Variants in STAG1 observed in about 807,000 individuals in gnomAD.
The protein encoded by STAG1 is STAG1 cohesin complex component.
Under a neutral mutation model 170.9 loss-of-function variants are expected in STAG1, and 26 were observed. The ratio of observed to expected loss-of-function variants is 0.15; its 90% CI spans 0.11 to 0.21. The LOEUF is 0.21. Among genes scored for constraint, STAG1 ranks in the 10% least tolerant of loss-of-function variants. STAG1 has a pLI of 1.00. For missense variants in STAG1, 964 were observed against 1,509.5 expected (o/e 0.64, Z 5.99); for synonymous variants, 514 against 497.7 (o/e 1.03, Z -0.44).
intron 24 of STAG1, 141 bp from the exon 25 acceptor site, chr3:136,367,223 G>T: frequency 1.5e-6 from 1 of 668,666 alleles, no homozygotes; most frequent in South Asian, 2.4e-5. Context: ...GACAAAAACT[G>T]TTACATTAAT....
intron 6 of STAG1, among the ~76,000 whole-genome samples, chr3:136,526,371 A>C (rs531367018): frequency 3.3e-5 from 5 of 151,802 alleles, no homozygotes; most frequent in Admixed American, 2.6e-4. Context: ...GTCTCTTTCT[A>C]TCTTTGTTGG....
At chr3:136,402,375 A>T (rs2087353940) in intron 21 of STAG1, among the ~76,000 whole-genome samples, 1 of 150,772 alleles carries the variant, frequency 6.6e-6, no homozygotes, top group Non-Finnish European at 1.5e-5. Context: ...GTGCCACCAC[A>T]CCCGGCTAAT....
intron 5 of STAG1, among the ~76,000 whole-genome samples, chr3:136,563,209 A>AT (rs1936913892): frequency 6.6e-6 from 1 of 152,174 alleles, no homozygotes; most frequent in Non-Finnish European, 1.5e-5. Context: ...GACTGGGTAA[A>AT]TATTGTGCTC....
rs778171419 is a variant in STAG1 at position 136,430,806 on chromosome 3, G to GACAGAC, written c.1650+2749_1650+2750insGTCTGT. Among the ~76,000 whole-genome samples the GACAGAC allele has an allele frequency of 1.9e-3, 247 of 131,160 alleles. 2 individuals carry two copies. Among genetic ancestry groups the GACAGAC allele is most frequent in the African/African-American group, 6.2e-3 (217 of 34,828 alleles). 86.0% of individuals were successfully genotyped at this position (131,160 alleles called of 152,430 possible). ...TAAGAGAAGGAAACAGACATAGACA[G>GACAGAC]ACACACACACACACACACACACACA... is the stretch of plus-strand genomic sequence containing the variant. On this transcript the variant is annotated intron_variant, in intron 16 of 33. Transcript: ENST00000383202.
intron 9 of STAG1, among the ~76,000 whole-genome samples, chr3:136,491,109 ATTTC>A (rs1293145086): frequency 1.3e-5 from 2 of 151,850 alleles, no homozygotes; most frequent in South Asian, 2.1e-4. Flanking sequence ...TCTCTAATAC[ATTTC>A]TTTCTATGTA....
intron 6 of STAG1, among the ~76,000 whole-genome samples, chr3:136,524,077 G>A (rs981769177): frequency 3.3e-5 from 5 of 152,240 alleles, no homozygotes; most frequent in East Asian, 1.9e-4. Context: ...TGGCAATGCG[G>A]GCTCTTTTTT....
intron 19 of STAG1, among the ~76,000 whole-genome samples, chr3:136,421,774 T>G (rs778637074): frequency 2.2e-4 from 33 of 152,182 alleles, no homozygotes; most frequent in South Asian, 4.1e-4. Context: ...CTCTATTCAT[T>G]AGCATATCAC....
chr3:136,376,009 T>TA (rs1553796024), intron 23 of STAG1, among the ~76,000 whole-genome samples: 149 of 32,302 alleles, frequency 4.6e-3, no homozygotes, highest in East Asian at 0.043. Context: ...AATAAATAAA[T>TA]AATTAACAAA....
intron 7 of STAG1, among the ~76,000 whole-genome samples, chr3:136,505,059 C>T (rs1933688520): frequency 6.6e-6 from 1 of 152,100 alleles, no homozygotes; most frequent in Admixed American, 6.5e-5. Context: ...CTATTAAAAA[C>T]AAACCTCAAA....
chr3:136,624,917 A>T (rs1297367193), intron 2 of STAG1, among the ~76,000 whole-genome samples: 1 of 152,256 alleles, frequency 6.6e-6, no homozygotes, highest in African/African-American at 2.4e-5. Context: ...AACATGAAAT[A>T]ATTAGGAAGT....
chr3:136,647,982 T>C (rs1397037632), intron 1 of STAG1, among the ~76,000 whole-genome samples: 1 of 152,248 alleles, frequency 6.6e-6, no homozygotes, highest in Non-Finnish European at 1.5e-5. Context: ...CTTTTATAGA[T>C]ATATACTACA....
Position 136,666,000 on chromosome 3 carries a change from G to A in STAG1, c.-83-35019C>T, listed in dbSNP as rs1195286626. ...TAAGGCAGGAGAATGGCGTGAATCT[G>A]GAAGGCAGAGCTTGCAGTGCGCCGA... On this transcript the variant is annotated intron_variant, in intron 1 of 33. Coordinates refer to ENST00000383202, the MANE Select transcript of STAG1 (RefSeq NM_005862.3). Among the ~76,000 whole-genome samples, 4 of 134,098 alleles carry A rather than the reference G, an allele frequency of 3.0e-5. No homozygotes were observed. The East Asian group carries it at 9.4e-4, about 32-fold the overall frequency. The allele number at this position is 134,098 out of a possible 152,430, so 88.0% of individuals were successfully genotyped here. A position where few individuals can be genotyped will look rare whatever the true frequency, so the allele number is the denominator to read the frequency against.
intron 9 of STAG1, among the ~76,000 whole-genome samples, chr3:136,496,370 A>G (rs1933094582): frequency 6.6e-6 from 1 of 152,212 alleles, no homozygotes; most frequent in Non-Finnish European, 1.5e-5. Context: ...ATCTATAGGT[A>G]TCTATTCACC....
At chr3:136,716,875 T>A (rs1297849299) in intron 1 of STAG1, among the ~76,000 whole-genome samples, 5 of 152,234 alleles carry the variant, frequency 3.3e-5, no homozygotes, top group African/African-American at 1.2e-4. Context: ...TGCAAATTAC[T>A]ATATTTTTCC....
chr3:136,590,086 G>C (rs1938079797), intron 4 of STAG1, among the ~76,000 whole-genome samples: 1 of 152,088 alleles, frequency 6.6e-6, no homozygotes, highest in Admixed American at 6.6e-5. Flanking sequence ...TCATGCTATT[G>C]CACTCCAGCC....
intron 13 of STAG1, 106 bp from the exon 14 acceptor site, chr3:136,452,253 G>T: frequency 1.4e-6 from 1 of 716,326 alleles, no homozygotes; most frequent in Non-Finnish European, 2.5e-6. Context: ...AACAAAAAGG[G>T]GGAGCAGGGA....
At chr3:136,604,719 T>C (rs1938852067) in intron 3 of STAG1, among the ~76,000 whole-genome samples, 1 of 152,126 alleles carries the variant, frequency 6.6e-6, no homozygotes, top group African/African-American at 2.4e-5. Flanking sequence ...GGCACTCTCT[T>C]AGCTCACTGC....
intron 16 of STAG1, among the ~76,000 whole-genome samples, chr3:136,431,095 G>C (rs1252152083): frequency 6.6e-6 from 1 of 151,814 alleles, no homozygotes; most frequent in Admixed American, 6.6e-5. Flanking sequence ...GTAGAGATGG[G>C]GTTTCGCCAT....
In STAG1 at chr3:136,377,687, A is replaced by G; in HGVS notation, c.2343T>C (p.Ser781=). The G allele has an allele frequency of 6.2e-7, 1 of 1,613,980 alleles. No homozygotes were observed. Among genetic ancestry groups the G allele is most frequent in the Non-Finnish European group, 8.5e-7 (1 of 1,179,936 alleles). The change falls in exon 23 of 34, where the codon TCT becomes TCC. Residue 781 remains serine, a synonymous_variant. Coordinates refer to ENST00000383202, the MANE Select transcript of STAG1 (RefSeq NM_005862.3). ...GTTCTTTCACTGGAGTATTAACATT[A>G]GACAGGCACTGCTGGCAAACAGCCA... ...SFLAVCQQCL[S]NVNTPVKEQA... is the part of the protein sequence containing the mutation.
Sources: gnomAD v4.1 joint callset for allele counts (sites outside exome capture counted in the v4.1 genomes callset) on GRCh38, gnomAD v4.1.1 for gene constraint, MANE v1.5 for transcripts, NCBI Gene and HGNC (gene_info 2026-07-23, HGNC 2026-07-21) for gene names.